CCSER2: variants seen among roughly 807,000 people sequenced by gnomAD.
CCSER2 encodes serine-rich coiled-coil domain-containing protein 2.
Under a neutral mutation model 92.3 loss-of-function variants are expected in CCSER2, and 46 were observed. That is an observed-to-expected ratio of 0.50 (90% CI 0.39 to 0.64). The LOEUF is 0.64. Among genes scored for constraint, CCSER2 ranks in the 30% least tolerant of loss-of-function variants. CCSER2 has a pLI of 0.00. For missense variants in CCSER2, 1,244 were observed against 1,238.9 expected (o/e 1.00, Z -0.06); for synonymous variants, 433 against 431.4 (o/e 1.00, Z -0.04).
Position 84,517,144 on chromosome 10 carries a change from A to C in CCSER2, c.*2877A>C, listed in dbSNP as rs1464444727. The stretch of plus-strand genomic sequence containing the variant: ...TGGTATCAATGAAGATAGTTACAGT[A>C]TATGAATTCTAAGTCCTGAGGAAGA... On this transcript the variant is annotated 3_prime_UTR_variant, in exon 10 of 10. Coordinates refer to ENST00000372088, the MANE Select transcript of CCSER2 (RefSeq NM_001284240.2). 6.6e-6 allele frequency: 1 copy of C among 152,228 alleles called. No individual in the cohort carries two copies. Among genetic ancestry groups the C allele is most frequent in the Non-Finnish European group, 1.5e-5 (1 of 68,030 alleles). The allele number at this position is 152,228 out of a possible 1,614,324, so 9.4% of individuals were successfully genotyped here. A position where few individuals can be genotyped will look rare whatever the true frequency, so the allele number is the denominator to read the frequency against.
rs900283223 is a variant in CCSER2 at position 84,515,759 on chromosome 10, A to G, written c.*1492A>G. ...AGATTTGGGAAAAAAATAGAATTGA[A>G]GATGGGAAATTTTGTTTTATTAAAA... On this transcript the variant is annotated 3_prime_UTR_variant, in exon 10 of 10. Transcript: ENST00000372088. The G allele has an allele frequency of 6.6e-5, 10 of 152,210 alleles. No individual in the cohort carries two copies. Among genetic ancestry groups the G allele is most frequent in the African/African-American group, 2.4e-4 (10 of 41,460 alleles). 9.4% of individuals were successfully genotyped at this position (152,210 alleles called of 1,614,324 possible).
chr10:84,484,100 A>G (rs1433736171), intron 9 of CCSER2, among the ~76,000 whole-genome samples: 12 of 149,764 alleles, frequency 8.0e-5, no homozygotes, highest in African/African-American at 2.9e-4. Context: ...CAGCCTCCCA[A>G]GTAGCTGGGA....
intron 4 of CCSER2, among the ~76,000 whole-genome samples, chr10:84,420,825 T>C (rs906079652): frequency 7.3e-5 from 11 of 150,140 alleles, no homozygotes; most frequent in African/African-American, 2.7e-4. Flanking sequence ...CTCAGTTACT[T>C]GGGAGACTGA....
intron 3 of CCSER2, among the ~76,000 whole-genome samples, chr10:84,394,322 G>T (rs1204929808): frequency 6.6e-6 from 1 of 151,498 alleles, no homozygotes; most frequent in Non-Finnish European, 1.5e-5. Context: ...ATAAACACAT[G>T]ATCGTAGTAT....
chr10:84,392,023 C>A lies in CCSER2; in HGVS notation c.1614+18208C>A. 3.1e-6 allele frequency: 4 copies of A among 1,272,756 alleles called. No individual in the cohort carries two copies. The South Asian group carries it at 3.6e-5, about 11-fold the overall frequency. 78.8% of individuals were successfully genotyped at this position (1,272,756 alleles called of 1,614,324 possible). ...CAGTTTCCTCTTCCCTTAAAAAGAG[C>A]GTCTTGCAGCTGTTTATGGTGTTTA... On this transcript the variant is annotated intron_variant, in intron 3 of 9. Transcript: ENST00000372088.
intron 5 of CCSER2, among the ~76,000 whole-genome samples, chr10:84,427,705 C>T (rs771037508): frequency 1.3e-5 from 2 of 152,102 alleles, no homozygotes; most frequent in South Asian, 2.1e-4. Context: ...TTCTTTTCTG[C>T]CCAGACCTCC....
At chr10:84,496,660 A>G (rs1043945686) in intron 9 of CCSER2, among the ~76,000 whole-genome samples, 1 of 152,134 alleles carries the variant, frequency 6.6e-6, no homozygotes, top group Non-Finnish European at 1.5e-5. Context: ...AGATTACTGG[A>G]TACAAGTTTC....
chr10:84,383,333 T>C (rs934714681), intron 3 of CCSER2, among the ~76,000 whole-genome samples: 2 of 152,112 alleles, frequency 1.3e-5, no homozygotes, highest in Non-Finnish European at 2.9e-5. Flanking sequence ...TATTTTGAGA[T>C]GGCGTCTCCC....
intron 1 of CCSER2, among the ~76,000 whole-genome samples, chr10:84,340,259 C>T (rs1844099972): frequency 1.3e-5 from 2 of 152,116 alleles, no homozygotes; most frequent in African/African-American, 2.4e-5. Flanking sequence ...TACTTGTGTT[C>T]CTGTTAACAT....
At chr10:84,441,754 T>A (rs1452464497) in intron 6 of CCSER2, among the ~76,000 whole-genome samples, 7 of 79,650 alleles carry the variant, frequency 8.8e-5, no homozygotes, top group Non-Finnish European at 1.7e-4. Context: ...TTTTTTTTTT[T>A]TTTTTTTTTT....
At chr10:84,334,580 T>C (rs1471674566) in intron 1 of CCSER2, among the ~76,000 whole-genome samples, 1 of 152,202 alleles carries the variant, frequency 6.6e-6, no homozygotes, top group Admixed American at 6.5e-5. Context: ...TGAAGTTTTT[T>C]ACCTGTTTAT....
At chr10:84,427,324 A>G (rs539387416) in intron 5 of CCSER2, among the ~76,000 whole-genome samples, 52 of 152,206 alleles carry the variant, frequency 3.4e-4, no homozygotes, top group Non-Finnish European at 5.9e-4. Context: ...TGAGACACCT[A>G]CATCCACCTC....
chr10:84,492,237 G>A (rs977444458), intron 9 of CCSER2, among the ~76,000 whole-genome samples: 7 of 150,206 alleles, frequency 4.7e-5, no homozygotes, highest in African/African-American at 1.2e-4. Context: ...CAGAGATAGC[G>A]CCACTGCACT....
At chr10:84,332,583 C>G (rs959802707) in intron 1 of CCSER2, among the ~76,000 whole-genome samples, 1 of 150,698 alleles carries the variant, frequency 6.6e-6, no homozygotes, top group South Asian at 2.1e-4. Context: ...GGACTACAGG[C>G]ACGCGCCACC....
chr10:84,500,697 A>C lies in CCSER2; in HGVS notation c.2326-12752A>C, dbSNP rs575692670. Among the ~76,000 whole-genome samples, 4 of 152,214 alleles carry C rather than the reference A, an allele frequency of 2.6e-5. No individual in the cohort carries two copies. The South Asian group carries it at 8.3e-4, about 32-fold the overall frequency. On this transcript the variant is annotated intron_variant, in intron 9 of 9. Transcript: ENST00000372088. ...GTTGGTTATATTTTATCTTTTTTGA[A>C]AAGTCACCCATAAAAAGCTATTATT...
chr10:84,451,255 T>G (rs1845268078), intron 6 of CCSER2, among the ~76,000 whole-genome samples: 1 of 109,588 alleles, frequency 9.1e-6, no homozygotes, highest in Admixed American at 9.3e-5. Flanking sequence ...GTTGGTTGGG[T>G]TTTTTTTTTT....
At chr10:84,431,722 G>C (rs1290801402) in intron 5 of CCSER2, among the ~76,000 whole-genome samples, 1 of 152,118 alleles carries the variant, frequency 6.6e-6, no homozygotes, top group Non-Finnish European at 1.5e-5. Context: ...CTGGACAACA[G>C]AGAGAGACCC....
intron 3 of CCSER2, chr10:84,389,471 A>AT (rs1841405350): frequency 2.9e-6 from 1 of 350,056 alleles, no homozygotes; most frequent in Admixed American, 3.4e-5. Flanking sequence ...TCTATTCTGA[A>AT]TAGTCAGTTT....
chr10:84,330,089 G>C (rs1843476296), intron 1 of CCSER2, among the ~76,000 whole-genome samples: 1 of 152,192 alleles, frequency 6.6e-6, no homozygotes, highest in Non-Finnish European at 1.5e-5. Context: ...ATTCAGACCT[G>C]CATTTTTTGT....
Sources: allele counts gnomAD v4.1 joint callset (sites outside exome capture counted in the v4.1 genomes callset), GRCh38; gene constraint gnomAD v4.1.1; transcripts MANE v1.5; gene names NCBI Gene and HGNC (gene_info 2026-07-23, HGNC 2026-07-21).